Variants in STAU2 observed in about 807,000 individuals in gnomAD.
STAU2 encodes double-stranded RNA-binding protein Staufen homolog 2.
STAU2 carries 20 observed loss-of-function variants against 65.9 expected under a neutral mutation model. The ratio of observed to expected loss-of-function variants is 0.30; its 90% CI spans 0.21 to 0.44. The LOEUF is 0.44. STAU2 is among the 20% of genes least tolerant of loss of function. STAU2 has a pLI of 1.00. For missense variants in STAU2, 558 were observed against 683.9 expected (o/e 0.82, Z 2.05); for synonymous variants, 232 against 233.9 (o/e 0.99, Z 0.07).
At chr8:73,496,600 T>C (rs529848222) in intron 13 of STAU2, among the ~76,000 whole-genome samples, 2 of 151,832 alleles carry the variant, frequency 1.3e-5, no homozygotes, top group Admixed American at 1.3e-4. Context: ...AGAAATATAG[T>C]GCAGGCTACA....
At chr8:73,453,498 G>T (rs1308665113) in intron 13 of STAU2, among the ~76,000 whole-genome samples, 4 of 152,188 alleles carry the variant, frequency 2.6e-5, no homozygotes, top group Admixed American at 6.5e-5. Flanking sequence ...CACTGAATGT[G>T]CAAATAGATT....
chr8:73,559,739 G>A (rs1808057886), intron 12 of STAU2, among the ~76,000 whole-genome samples: 1 of 152,144 alleles, frequency 6.6e-6, no homozygotes. Flanking sequence ...CTGCCCTGTT[G>A]TTGGGATCAA....
At chr8:73,518,576 CAT>C (rs770715147) in intron 13 of STAU2, among the ~76,000 whole-genome samples, 1 of 152,194 alleles carries the variant, frequency 6.6e-6, no homozygotes, top group East Asian at 1.9e-4. Flanking sequence ...ATAATTTTCA[CAT>C]GTCACGAAAT....
intron 9 of STAU2, among the ~76,000 whole-genome samples, chr8:73,609,281 G>C (rs555117100): frequency 7.9e-5 from 12 of 152,004 alleles, no homozygotes; most frequent in African/African-American, 2.9e-4. Context: ...GTTAGATGAA[G>C]GGAAAGGAAA....
intron 4 of STAU2, among the ~76,000 whole-genome samples, chr8:73,695,955 T>A (rs981211216): frequency 6.6e-6 from 1 of 152,128 alleles, no homozygotes; most frequent in Non-Finnish European, 1.5e-5. Flanking sequence ...CCCGCCACCC[T>A]GAAGGGAAGG....
intron 12 of STAU2, among the ~76,000 whole-genome samples, chr8:73,553,286 C>A (rs187313851): frequency 1.3e-4 from 20 of 152,296 alleles, no homozygotes; most frequent in Admixed American, 1.2e-3. Context: ...CTGAGAGACA[C>A]AACTTAATTT....
intron 3 of STAU2, among the ~76,000 whole-genome samples, chr8:73,714,716 A>G (rs1369013618): frequency 5.9e-5 from 9 of 152,186 alleles, no homozygotes. Context: ...TCTAAAGCAA[A>G]ACATACCACA....
rs1805774622 is a variant in STAU2, at chr8:73,728,016, TC to T, written c.-18+10267del. On this transcript the variant is annotated intron_variant, in intron 3 of 14. Coordinates refer to ENST00000524300, the MANE Select transcript of STAU2 (RefSeq NM_001164380.2). ...TTATCTTCTCAGAGTAACTGTCTAT[TC>T]CAAGTCCTTTGCCCATTTTTTAGTT... 3 of 152,246 alleles carry T rather than the reference TC, an allele frequency of 2.0e-5. No homozygotes were observed. In the South Asian group the frequency reaches 6.2e-4, roughly 32 times the overall value. 9.4% of individuals were successfully genotyped at this position (152,246 alleles called of 1,614,324 possible). A position where few individuals can be genotyped will look rare whatever the true frequency, so the allele number is the denominator to read the frequency against.
At chr8:73,666,435 A>G (rs1817246796) in intron 6 of STAU2, among the ~76,000 whole-genome samples, 1 of 152,216 alleles carries the variant, frequency 6.6e-6, no homozygotes, top group Non-Finnish European at 1.5e-5. Context: ...CTGTAAAATG[A>G]TTTCCGTGTC....
At chr8:73,701,256 A>G (rs1820080619) in intron 4 of STAU2, among the ~76,000 whole-genome samples, 1 of 152,204 alleles carries the variant, frequency 6.6e-6, no homozygotes, top group Non-Finnish European at 1.5e-5. Context: ...AGAGGCAACC[A>G]AAGCAACAAT....
intron 13 of STAU2, among the ~76,000 whole-genome samples, chr8:73,479,611 C>T (rs2383911): frequency 3.7e-4 from 56 of 151,690 alleles, no homozygotes; most frequent in Admixed American, 2.9e-3. Context: ...AATAAACAAG[C>T]ACTTAAGAAA....
intron 13 of STAU2, among the ~76,000 whole-genome samples, chr8:73,542,607 G>T (rs1241215870): frequency 6.6e-6 from 1 of 152,100 alleles, no homozygotes; most frequent in Non-Finnish European, 1.5e-5. Flanking sequence ...AGGATACAAA[G>T]AACTTGTGTA....
chr8:73,505,944 CCT>C (rs1196949966), intron 13 of STAU2, among the ~76,000 whole-genome samples: 2 of 151,924 alleles, frequency 1.3e-5, no homozygotes, highest in Admixed American at 1.3e-4. Context: ...GCACCTCCTC[CCT>C]CTCTCTCTTG....
chr8:73,731,978 C>A (rs1806103038), intron 3 of STAU2, among the ~76,000 whole-genome samples: 1 of 152,084 alleles, frequency 6.6e-6, no homozygotes, highest in Admixed American at 6.6e-5. Context: ...ACAAAACAAG[C>A]ATTTCTTTTT....
rs1586220449 is a variant in STAU2 at position 73,662,632 on chromosome 8, T to TTGTTGTTG, written c.410+10474_410+10475insCAACAACA. Among the ~76,000 whole-genome samples the TTGTTGTTG allele has an allele frequency of 2.9e-5, 3 of 101,896 alleles. No homozygotes were observed. The East Asian group carries it at 1.3e-3, about 43-fold the overall frequency. The allele number at this position is 101,896 out of a possible 152,430, so 66.8% of individuals were successfully genotyped here. On this transcript the variant is annotated intron_variant, in intron 6 of 14. Transcript: ENST00000524300. ...TGTTGTTGTTGTTGTTGTTGTTGTT[T>TTGTTGTTG]TTGAGACAGAGTTTCACTCCTGTTG...
intron 12 of STAU2, among the ~76,000 whole-genome samples, chr8:73,578,875 G>C (rs1586048359): frequency 6.6e-6 from 1 of 152,116 alleles, no homozygotes; most frequent in African/African-American, 2.4e-5. Context: ...GAACCCCAAA[G>C]GGAATTTGTT....
intron 13 of STAU2, among the ~76,000 whole-genome samples, chr8:73,489,314 T>TA (rs1358983289): frequency 6.6e-6 from 1 of 151,984 alleles, no homozygotes; most frequent in African/African-American, 2.4e-5. Flanking sequence ...TTCCCTCATT[T>TA]AAAAATGCTC....
intron 13 of STAU2, among the ~76,000 whole-genome samples, chr8:73,535,468 C>T (rs1440335335): frequency 6.6e-6 from 1 of 152,166 alleles, no homozygotes; most frequent in Admixed American, 6.5e-5. Flanking sequence ...CGCCCCTGGC[C>T]GTTCTTTGCT....
intron 4 of STAU2, among the ~76,000 whole-genome samples, chr8:73,699,994 T>C (rs1003186475): frequency 1.3e-5 from 2 of 151,974 alleles, no homozygotes; most frequent in African/African-American, 2.4e-5. Context: ...GTGGGATTTA[T>C]CACAGTGATG....
Sources: gnomAD v4.1 joint callset for allele counts (sites outside exome capture counted in the v4.1 genomes callset) on GRCh38, gnomAD v4.1.1 for gene constraint, MANE v1.5 for transcripts, NCBI Gene and HGNC (gene_info 2026-07-23, HGNC 2026-07-21) for gene names.